The following ERLIN1 variants were observed in gnomAD, a reference collection of about 807,000 sequenced individuals.
The protein encoded by ERLIN1 is erlin-1.
A neutral mutation model predicts 46.9 loss-of-function variants in ERLIN1; 24 were observed. The ratio of observed to expected loss-of-function variants is 0.51; its 90% CI spans 0.37 to 0.72. The LOEUF (loss-of-function observed/expected upper bound fraction) is 0.72, where lower values mean the gene tolerates loss of function less well. Among genes scored for constraint, ERLIN1 ranks in the 30% least tolerant of loss-of-function variants. The pLI, the probability that ERLIN1 is intolerant of heterozygous loss-of-function variation, is 0.00. For missense variants in ERLIN1, 293 were observed against 417.9 expected, an observed-to-expected ratio of 0.70 and a Z score of 2.61; for synonymous variants, 158 against 143.2, an observed-to-expected ratio of 1.10 and a Z score of -0.74.
Position 100,185,569 on chromosome 10 carries a change from G to A in ERLIN1, c.58C>T (p.Leu20=), listed in dbSNP as rs1844918837. The A allele has an allele frequency of 1.2e-6, 2 of 1,613,926 alleles. No individual in the cohort carries two copies. Among genetic ancestry groups the A allele is most frequent in the African/African-American group, 1.3e-5 (1 of 74,938 alleles). The change falls in exon 1 of 11, where the codon CTG becomes TTG. Residue 20 remains leucine, a synonymous_variant. Transcript: ENST00000421367. ...VAAVVGLVAV[L]LYASIHKIEE... is the part of the protein sequence containing the mutation. Reference sequence around the variant, plus strand: ...ATCTTGTGGATGGAGGCGTAGAGCAGGACAGCCACCAACCCCACCACTGCA... The same window carrying A: ...ATCTTGTGGATGGAGGCGTAGAGCAAGACAGCCACCAACCCCACCACTGCA...
chr10:100,166,084 C>T (rs750531777), intron 7 of ERLIN1, among the ~76,000 whole-genome samples: 1 of 152,150 alleles, frequency 6.6e-6, no homozygotes, highest in Non-Finnish European at 1.5e-5. Flanking sequence ...TGGCAGTCTA[C>T]ATTTTATACT....
chr10:100,162,523 T>C (rs927853875), intron 8 of ERLIN1, among the ~76,000 whole-genome samples: 1 of 152,172 alleles, frequency 6.6e-6, no homozygotes, highest in African/African-American at 2.4e-5. Context: ...TGTGAAGACA[T>C]GCTACCCTAT....
chr10:100,153,760 G>T (rs1260468835), intron 10 of ERLIN1, among the ~76,000 whole-genome samples: 1 of 152,158 alleles, frequency 6.6e-6, no homozygotes, highest in Non-Finnish European at 1.5e-5. Context: ...AGACCTCAAT[G>T]GCAAGGTCTT....
intron 9 of ERLIN1, among the ~76,000 whole-genome samples, chr10:100,155,775 A>G (rs1429875611): frequency 1.3e-5 from 2 of 152,192 alleles, no homozygotes; most frequent in African/African-American, 4.8e-5. Flanking sequence ...CGGCCTCCCA[A>G]AGTGCTGGGA....
intron 6 of ERLIN1, among the ~76,000 whole-genome samples, chr10:100,169,174 C>T (rs1843837512): frequency 6.6e-6 from 1 of 152,148 alleles, no homozygotes; most frequent in South Asian, 2.1e-4. Flanking sequence ...CACTCAGGCA[C>T]CCCTCTCCCT....
rs147131143 is a variant in ERLIN1, at chr10:100,176,401, C to T, written c.305-331G>A. On this transcript the variant is annotated intron_variant, in intron 4 of 10. Coordinates refer to ENST00000421367, the MANE Select transcript of ERLIN1 (RefSeq NM_006459.4). ...AGCAAGGGCATGACAGTCAGATTTA[C>T]GCTTTGGCCAGCAGTGTGAAGATGA... Among the ~76,000 whole-genome samples, 329 of 152,242 alleles carry T rather than the reference C, an allele frequency of 2.2e-3. 3 individuals carry two copies. Among genetic ancestry groups the T allele is most frequent in the African/African-American group, 7.2e-3 (301 of 41,530 alleles).
intron 9 of ERLIN1, among the ~76,000 whole-genome samples, 198 bp from the exon 10 acceptor site, chr10:100,155,137 A>G (rs1843004542): frequency 6.6e-6 from 1 of 152,200 alleles, no homozygotes; most frequent in Admixed American, 6.5e-5. Context: ...CTCTCAGCTC[A>G]TCTGAGCCTA....
chr10:100,156,886 G>A (rs1282016537), intron 8 of ERLIN1, among the ~76,000 whole-genome samples: 10 of 152,114 alleles, frequency 6.6e-5, no homozygotes, highest in South Asian at 4.2e-4. Flanking sequence ...ATGATGGTGC[G>A]TGCCTATAGT....
intron 3 of ERLIN1, 121 bp downstream of exon 3, chr10:100,179,075 CTCAGA>C (rs765330566): frequency 4.0e-5 from 27 of 667,990 alleles, no homozygotes; most frequent in Non-Finnish European, 6.8e-5. Context: ...TCAAACAATG[CTCAGA>C]TCAGAAGTCC....
At chr10:100,173,525 A>G (rs996287744) in intron 6 of ERLIN1, among the ~76,000 whole-genome samples, 2 of 152,102 alleles carry the variant, frequency 1.3e-5, no homozygotes, top group African/African-American at 4.8e-5. Flanking sequence ...TGATTTTACA[A>G]CCCACAATCT....
intron 7 of ERLIN1, among the ~76,000 whole-genome samples, chr10:100,164,765 T>C (rs1238600592): frequency 6.6e-6 from 1 of 152,100 alleles, no homozygotes; most frequent in Non-Finnish European, 1.5e-5. Flanking sequence ...ATTCCACACA[T>C]AAGCACTTAA....
In ERLIN1 at chr10:100,151,782, G is replaced by T; in HGVS notation, c.*349C>A. On this transcript the variant is annotated 3_prime_UTR_variant, in exon 11 of 11. Transcript: ENST00000421367. Reference sequence around the variant, plus strand: ...GCATACATTTCCCCGGGGGACGAATGTAAACATTATTCAACAGATCTCAGC... The same window carrying T: ...GCATACATTTCCCCGGGGGACGAATTTAAACATTATTCAACAGATCTCAGC... 1.2e-5 allele frequency: 4 copies of T among 342,010 alleles called. No homozygotes were observed. The highest frequency in any genetic ancestry group is 7.3e-5 in the East Asian group (1 of 13,734). 21.2% of individuals were successfully genotyped at this position (342,010 alleles called of 1,614,324 possible). A position where few individuals can be genotyped will look rare whatever the true frequency, so the allele number is the denominator to read the frequency against.
intron 2 of ERLIN1, among the ~76,000 whole-genome samples, chr10:100,180,986 A>G (rs563459886): frequency 6.6e-6 from 1 of 152,374 alleles, no homozygotes; most frequent in South Asian, 2.1e-4. Flanking sequence ...AGAATAAAAA[A>G]TAACTCTTAG....
intron 7 of ERLIN1, among the ~76,000 whole-genome samples, chr10:100,166,512 G>GA (rs575333474): frequency 1.4e-4 from 21 of 151,750 alleles, no homozygotes; most frequent in Admixed American, 5.9e-4. Flanking sequence ...TATAAAAGAA[G>GA]AAAAAAACAA....
At chr10:100,166,957 A>G (rs1843677089) in intron 7 of ERLIN1, among the ~76,000 whole-genome samples, 1 of 152,258 alleles carries the variant, frequency 6.6e-6, no homozygotes, top group African/African-American at 2.4e-5. Context: ...CCAACAAGGT[A>G]TCTATTCCTA....
intron 7 of ERLIN1, 114 bp downstream of exon 7, chr10:100,167,234 T>C (rs1308019058): frequency 9.2e-6 from 7 of 763,556 alleles, no homozygotes; most frequent in Admixed American, 5.0e-5. Context: ...GTAAAGAAGA[T>C]AAGACACATA....
chr10:100,165,616 G>A (rs1226865935), intron 7 of ERLIN1, among the ~76,000 whole-genome samples: 1 of 152,062 alleles, frequency 6.6e-6, no homozygotes, highest in Non-Finnish European at 1.5e-5. Context: ...TCGATCTCCT[G>A]ACCTCGTGAT....
intron 8 of ERLIN1, among the ~76,000 whole-genome samples, chr10:100,158,745 G>A (rs969833516): frequency 6.6e-6 from 1 of 152,058 alleles, no homozygotes; most frequent in African/African-American, 2.4e-5. Flanking sequence ...AGCATTCTAA[G>A]GTACTGTTCA....
chr10:100,154,345 G>A (rs1305563498), intron 10 of ERLIN1, among the ~76,000 whole-genome samples: 2 of 152,152 alleles, frequency 1.3e-5, no homozygotes, highest in Non-Finnish European at 2.9e-5. Flanking sequence ...TCAACAAGGG[G>A]CATATGGAAA....
Sources: allele counts gnomAD v4.1 joint callset (sites outside exome capture counted in the v4.1 genomes callset), GRCh38; gene constraint gnomAD v4.1.1; transcripts MANE v1.5; gene names NCBI Gene and HGNC (gene_info 2026-07-23, HGNC 2026-07-21).